SNTG1: variants seen among roughly 807,000 people sequenced by gnomAD.
The protein encoded by SNTG1 is syntrophin gamma 1, also known as gamma-1-syntrophin.
SNTG1 carries 39 observed loss-of-function variants against 74.7 expected under a neutral mutation model. The observed-to-expected ratio is 0.52, with a 90% confidence interval of 0.40 to 0.68. SNTG1 has a LOEUF of 0.68. Among genes scored for constraint, SNTG1 ranks in the 30% least tolerant of loss-of-function variants. SNTG1 has a pLI of 0.00. For missense variants in SNTG1, 685 were observed against 609.5 expected, an observed-to-expected ratio of 1.12 and a Z score of -1.30; for synonymous variants, 254 against 217.1, an observed-to-expected ratio of 1.17 and a Z score of -1.49.
At chr8:49,978,487 G>A (rs1812387768) in intron 1 of SNTG1, among the ~76,000 whole-genome samples, 1 of 152,114 alleles carries the variant, frequency 6.6e-6, no homozygotes, top group Non-Finnish European at 1.5e-5. Flanking sequence ...AAAATAGCAT[G>A]GGTGGCCTTC....
intron 2 of SNTG1, among the ~76,000 whole-genome samples, chr8:50,228,851 G>C (rs1376758108): frequency 6.6e-6 from 1 of 151,706 alleles, no homozygotes; most frequent in East Asian, 1.9e-4. Flanking sequence ...GAGCACAGGA[G>C]GGGGAATACA....
intron 9 of SNTG1, among the ~76,000 whole-genome samples, chr8:50,508,843 G>GA (rs2094035488): frequency 1.3e-5 from 2 of 151,384 alleles, no homozygotes; most frequent in African/African-American, 4.8e-5. Flanking sequence ...TAAGTAGATT[G>GA]CAAAAATTTT....
At chr8:50,576,689 CTAAG>C (rs1158842296) in intron 12 of SNTG1, among the ~76,000 whole-genome samples, 1 of 151,790 alleles carries the variant, frequency 6.6e-6, no homozygotes, top group Non-Finnish European at 1.5e-5. Flanking sequence ...TACTTAATTC[CTAAG>C]TATTTTATTC....
intron 2 of SNTG1, among the ~76,000 whole-genome samples, chr8:50,325,516 G>A (rs1166295931): frequency 2.6e-5 from 4 of 151,874 alleles, no homozygotes; most frequent in Admixed American, 1.3e-4. Context: ...AACTGCACTA[G>A]GTCATTCATG....
At chr8:50,753,875 T>C (rs1363294329) in intron 18 of SNTG1, among the ~76,000 whole-genome samples, 2 of 151,942 alleles carry the variant, frequency 1.3e-5, no homozygotes, top group Admixed American at 1.3e-4. Context: ...TCTCCCTTTA[T>C]AAAATAAAAG....
chr8:49,980,202 A>G (rs1162571096), intron 1 of SNTG1, among the ~76,000 whole-genome samples: 1 of 152,070 alleles, frequency 6.6e-6, no homozygotes, highest in Non-Finnish European at 1.5e-5. Flanking sequence ...GGCAGCCACT[A>G]TTCTACTTTC....
At chr8:50,753,991 T>C (rs2095573944) in intron 18 of SNTG1, among the ~76,000 whole-genome samples, 1 of 151,964 alleles carries the variant, frequency 6.6e-6, no homozygotes, top group Non-Finnish European at 1.5e-5. Context: ...CCCTACAGAA[T>C]TGTTTAACCA....
chr8:50,288,571 A>G (rs1234118071), intron 2 of SNTG1, among the ~76,000 whole-genome samples: 2 of 152,156 alleles, frequency 1.3e-5, no homozygotes, highest in South Asian at 4.1e-4. Flanking sequence ...TTAGATGAAC[A>G]ATGAATTAAA....
intron 1 of SNTG1, among the ~76,000 whole-genome samples, chr8:50,074,470 G>A (rs563866734): frequency 6.6e-6 from 1 of 152,280 alleles, no homozygotes; most frequent in Non-Finnish European, 1.5e-5. Flanking sequence ...TGTGGCTTTG[G>A]ATCAGGGAGG....
intron 2 of SNTG1, among the ~76,000 whole-genome samples, chr8:50,217,484 T>C (rs1464769197): frequency 6.6e-6 from 1 of 152,138 alleles, no homozygotes; most frequent in Non-Finnish European, 1.5e-5. Flanking sequence ...ATATGTGCTG[T>C]CATGTAATGT....
rs2094894759 is a variant in SNTG1, at chr8:50,617,730, G to T, written c.849+26813G>T. Among the ~76,000 whole-genome samples the T allele has an allele frequency of 2.0e-5, 3 of 152,240 alleles. No homozygotes were observed. In the South Asian group the frequency reaches 6.2e-4, roughly 32 times the overall value. ...GTCGTGATCGATTGAGCAAGAAGTG[G>T]GTACATGACTGGGGGCTGCATGCAC... is the stretch of plus-strand genomic sequence containing the variant. On this transcript the variant is annotated intron_variant, in intron 13 of 18. Coordinates refer to ENST00000642720, the MANE Select transcript of SNTG1 (RefSeq NM_018967.5).
At chr8:50,043,387 A>T (rs933432427) in intron 1 of SNTG1, among the ~76,000 whole-genome samples, 1 of 152,248 alleles carries the variant, frequency 6.6e-6, no homozygotes, top group Non-Finnish European at 1.5e-5. Flanking sequence ...AATGTATGCT[A>T]TATATGGCAT....
At chr8:50,657,060 A>G (rs968420123) in intron 14 of SNTG1, 35 bp downstream of exon 14, 7 of 1,283,758 alleles carry the variant, frequency 5.5e-6, no homozygotes, top group Non-Finnish European at 4.2e-6. Context: ...GGTCGTTTCC[A>G]TATTATCACA....
intron 1 of SNTG1, among the ~76,000 whole-genome samples, chr8:50,063,643 G>T (rs1341874212): frequency 6.6e-6 from 1 of 151,662 alleles, no homozygotes; most frequent in African/African-American, 2.4e-5. Flanking sequence ...TTTGTAAATA[G>T]AAATAGTTTC....
chr8:50,018,133 C>T (rs1816502921), intron 1 of SNTG1, among the ~76,000 whole-genome samples: 1 of 151,880 alleles, frequency 6.6e-6, no homozygotes, highest in South Asian at 2.1e-4. Flanking sequence ...CTGTAAAAAT[C>T]CTAGCAAGTG....
intron 11 of SNTG1, among the ~76,000 whole-genome samples, chr8:50,540,398 C>T (rs1016864488): frequency 3.3e-5 from 5 of 151,854 alleles, no homozygotes; most frequent in Non-Finnish European, 7.4e-5. Flanking sequence ...TTTGTTGAGG[C>T]TTGATTTTAC....
chr8:50,175,304 G>A (rs969580063), intron 2 of SNTG1, among the ~76,000 whole-genome samples: 1 of 152,174 alleles, frequency 6.6e-6, no homozygotes. Flanking sequence ...GCAGCAGCGA[G>A]TGATCTAGAA....
intron 1 of SNTG1, among the ~76,000 whole-genome samples, chr8:50,107,930 T>G (rs2131284600): frequency 6.6e-6 from 1 of 152,304 alleles, no homozygotes; most frequent in African/African-American, 2.4e-5. Context: ...TATTTTGTGT[T>G]AACATCACAT....
chr8:50,432,970 G>A (rs2093256269), intron 4 of SNTG1, among the ~76,000 whole-genome samples: 1 of 150,954 alleles, frequency 6.6e-6, no homozygotes, highest in Non-Finnish European at 1.5e-5. Context: ...TTTCTATTTA[G>A]TAGAGATGGG....
Sources: gnomAD v4.1 joint callset for allele counts (sites outside exome capture counted in the v4.1 genomes callset) on GRCh38, gnomAD v4.1.1 for gene constraint, MANE v1.5 for transcripts, NCBI Gene and HGNC (gene_info 2026-07-23, HGNC 2026-07-21) for gene names.